Variants in TMPRSS11E observed in about 807,000 individuals in gnomAD.
TMPRSS11E encodes the protein transmembrane protease serine 11E.
TMPRSS11E carries 38 observed loss-of-function variants against 48.1 expected under a neutral mutation model. The ratio of observed to expected loss-of-function variants is 0.79; its 90% CI spans 0.61 to 1.04. TMPRSS11E has a LOEUF of 1.04. Among genes scored for constraint, TMPRSS11E ranks in the 50% least tolerant of loss-of-function variants. The probability of loss-of-function intolerance (pLI) is 0.00; values close to 1 mark genes in which losing one functional copy is unlikely to be tolerated. For missense variants in TMPRSS11E, 530 were observed against 510.8 expected, an observed-to-expected ratio of 1.04 and a Z score of -0.36; for synonymous variants, 158 against 171.9, an observed-to-expected ratio of 0.92 and a Z score of 0.63.
At chr4:68,457,595 C>G (rs1336893052) in intron 1 of TMPRSS11E, among the ~76,000 whole-genome samples, 1 of 152,078 alleles carries the variant, frequency 6.6e-6, no homozygotes, top group Non-Finnish European at 1.5e-5. Flanking sequence ...GACACATGCA[C>G]ACGTATGTTT....
chr4:68,471,822 C>T (rs1419354474), intron 5 of TMPRSS11E, among the ~76,000 whole-genome samples, 199 bp downstream of exon 5: 1 of 151,808 alleles, frequency 6.6e-6, no homozygotes, highest in Non-Finnish European at 1.5e-5. Context: ...CCCATGCAAG[C>T]TTTTTATTAA....
intron 9 of TMPRSS11E, among the ~76,000 whole-genome samples, chr4:68,486,563 T>C (rs1729559762): frequency 6.6e-6 from 1 of 152,218 alleles, no homozygotes; most frequent in Non-Finnish European, 1.5e-5. Flanking sequence ...GCATGGTTGA[T>C]CTTAGAGTAT....
At chr4:68,450,031 C>T (rs1343068563) in intron 1 of TMPRSS11E, among the ~76,000 whole-genome samples, 1 of 151,800 alleles carries the variant, frequency 6.6e-6, no homozygotes, top group African/African-American at 2.4e-5. Flanking sequence ...TATTTGTTTA[C>T]AGGAAAAACC....
chr4:68,456,463 A>T (rs1265870836), intron 1 of TMPRSS11E, among the ~76,000 whole-genome samples: 3 of 151,888 alleles, frequency 2.0e-5, no homozygotes, highest in African/African-American at 2.4e-5. Context: ...TTCTTTTTTT[A>T]AAAAAACAGC....
intron 2 of TMPRSS11E, among the ~76,000 whole-genome samples, chr4:68,465,501 T>A (rs141143040): frequency 0.017 from 2,599 of 152,316 alleles, 35 homozygotes; most frequent in Middle Eastern, 0.041. Flanking sequence ...GGAGTTAGTC[T>A]TGGCTATGTC....
chr4:68,469,575 T>G (rs34072207), intron 4 of TMPRSS11E, among the ~76,000 whole-genome samples: 27,214 of 151,898 alleles, frequency 0.18, 2,820 homozygotes, highest in Admixed American at 0.25. Flanking sequence ...TTAGCTGATA[T>G]CTCTAAGGCA....
intron 5 of TMPRSS11E, among the ~76,000 whole-genome samples, chr4:68,472,955 A>G (rs1206612007): frequency 6.6e-6 from 1 of 152,120 alleles, no homozygotes; most frequent in Non-Finnish European, 1.5e-5. Context: ...GTCGATATAA[A>G]TGCATATATA....
At chr4:68,495,146 G>A (rs1393368147) in intron 9 of TMPRSS11E, among the ~76,000 whole-genome samples, 2 of 152,194 alleles carry the variant, frequency 1.3e-5, no homozygotes, top group East Asian at 3.9e-4. Context: ...TCAAATGTGA[G>A]CTAATTAGTG....
chr4:68,455,128 A>G (rs562431700), intron 1 of TMPRSS11E, among the ~76,000 whole-genome samples: 2 of 152,088 alleles, frequency 1.3e-5, no homozygotes, highest in East Asian at 3.9e-4. Context: ...TATGGTATTT[A>G]GATTGTTTCA....
chr4:68,449,541 T>G (rs927255945), intron 1 of TMPRSS11E, among the ~76,000 whole-genome samples: 10 of 151,738 alleles, frequency 6.6e-5, no homozygotes, highest in South Asian at 2.1e-4. Flanking sequence ...AAGCACTGTC[T>G]CTAAAAGTGT....
chr4:68,466,718 A>T lies in TMPRSS11E; in HGVS notation c.224A>T (p.Asn75Ile). The change falls in exon 3 of 10, where the codon AAT (asparagine) becomes ATT (isoleucine). Residue 75 changes from asparagine to isoleucine, a missense_variant. Asn to Ile is a moderately radical substitution (Grantham distance 149). Transcript: ENST00000305363. Reference protein sequence around the residue: ...YAEFGREASNNFTEMSQRLES... With the variant: ...YAEFGREASNIFTEMSQRLES... ...GAGTTTGGCAGAGAGGCTTCTAACAATTTTACAGAAATGAGCCAGAGACTT... is the reference window on the plus strand; with the variant it reads ...GAGTTTGGCAGAGAGGCTTCTAACATTTTTACAGAAATGAGCCAGAGACTT... 6.2e-7 allele frequency: 1 copy of T among 1,613,728 alleles called. No homozygotes were observed. Among genetic ancestry groups the T allele is most frequent in the East Asian group, 2.2e-5 (1 of 44,856 alleles).
chr4:68,451,360 G>C (rs1554891), intron 1 of TMPRSS11E, among the ~76,000 whole-genome samples: 1 of 151,654 alleles, frequency 6.6e-6, no homozygotes, highest in Non-Finnish European at 1.5e-5. Flanking sequence ...GGTTTTAAGA[G>C]GCTGAGAAAG....
chr4:68,468,940 A>G lies in TMPRSS11E; in HGVS notation c.320A>G (p.Lys107Arg), dbSNP rs1272514677. 25 of 1,610,300 alleles carry G rather than the reference A, an allele frequency of 1.6e-5. No individual in the cohort carries two copies. The highest frequency in any genetic ancestry group is 2.0e-5 in the Non-Finnish European group (23 of 1,177,050). Reference protein sequence around the residue: ...REEFVKSQVIKFSQQKHGVLA... With the variant: ...REEFVKSQVIRFSQQKHGVLA... ...GAATTTGTCAAGTCTCAGGTTATCA[A>G]GTTCAGGTATGTAAATCTGAATTGC... Residue 107 changes from lysine to arginine, a missense_variant, in exon 4 of 10, where the codon AAG becomes AGG. Lys to Arg is a conservative substitution (Grantham distance 26). Transcript: ENST00000305363.
intron 9 of TMPRSS11E, among the ~76,000 whole-genome samples, chr4:68,492,310 C>CA (rs1729746688): frequency 6.6e-6 from 1 of 152,186 alleles, no homozygotes; most frequent in South Asian, 2.1e-4. Flanking sequence ...ATACTCAAGG[C>CA]ACTTTTATGA....
chr4:68,478,504 G>C (rs552407010), intron 8 of TMPRSS11E, among the ~76,000 whole-genome samples: 4 of 118,842 alleles, frequency 3.4e-5, no homozygotes, highest in South Asian at 6.4e-4. Flanking sequence ...CCCCAGGCTG[G>C]AGTTCAGTGG....
chr4:68,474,709 T>C lies in TMPRSS11E; in HGVS notation c.491-14T>C. 1.2e-6 allele frequency: 2 copies of C among 1,607,172 alleles called. No individual in the cohort carries two copies. The highest frequency in any genetic ancestry group is 2.2e-5 in the South Asian group (2 of 88,984). ...TGATGTGCTGACCCTATTTGCCATT[T>C]CTGTGTGTTTCAGAAATCAACAAGA... On this transcript the variant is annotated splice_polypyrimidine_tract_variant and intron_variant, in intron 5 of 9. Transcript: ENST00000305363.
chr4:68,471,088 T>A (rs1429128480), intron 4 of TMPRSS11E, among the ~76,000 whole-genome samples: 1 of 151,938 alleles, frequency 6.6e-6, no homozygotes, highest in Non-Finnish European at 1.5e-5. Flanking sequence ...TAACTCACTA[T>A]ATGAGAGGCT....
At chr4:68,482,933 C>T (rs976556724) in intron 9 of TMPRSS11E, among the ~76,000 whole-genome samples, 1 of 152,186 alleles carries the variant, frequency 6.6e-6, no homozygotes, top group African/African-American at 2.4e-5. Flanking sequence ...TATCTGTCTT[C>T]TGAGCCTTCA....
intron 4 of TMPRSS11E, among the ~76,000 whole-genome samples, chr4:68,470,307 A>G (rs903107992): frequency 6.6e-6 from 1 of 151,890 alleles, no homozygotes; most frequent in African/African-American, 2.4e-5. Context: ...ATAGGGAAAG[A>G]GCAGGAAAAT....
Sources: gnomAD v4.1 joint callset for allele counts (sites outside exome capture counted in the v4.1 genomes callset) on GRCh38, gnomAD v4.1.1 for gene constraint, MANE v1.5 for transcripts, NCBI Gene and HGNC (gene_info 2026-07-23, HGNC 2026-07-21) for gene names.